The following GIGYF2 variants were observed in gnomAD, a reference collection of about 807,000 sequenced individuals.
GIGYF2 encodes GRB10 interacting GYF protein 2.
A neutral mutation model predicts 208.1 loss-of-function variants in GIGYF2; 25 were observed. The observed-to-expected ratio is 0.12, with a 90% CI of 0.09 to 0.17. The LOEUF (loss-of-function observed/expected upper bound fraction) is 0.17. Among genes scored for constraint, GIGYF2 ranks in the 10% least tolerant of loss-of-function variants. The probability of loss-of-function intolerance (pLI) is 1.00; values close to 1 mark genes in which losing one functional copy is unlikely to be tolerated. For synonymous variants in GIGYF2, 534 were observed against 543.8 expected, an observed-to-expected ratio of 0.98 and a Z score of 0.25; for missense variants, 1,302 against 1,579.4, an observed-to-expected ratio of 0.82 and a Z score of 2.98.
chr2:232,851,405 AAACT>A (rs1313915912), intron 28 of GIGYF2, among the ~76,000 whole-genome samples: 7 of 151,812 alleles, frequency 4.6e-5, no homozygotes, highest in Non-Finnish European at 8.8e-5. Flanking sequence ...AACAGTGATG[AAACT>A]AACATTTTTT....
intron 8 of GIGYF2, chr2:232,776,533 A>G (rs781547010): frequency 2.1e-5 from 20 of 974,210 alleles, no homozygotes; most frequent in East Asian, 2.5e-5. Flanking sequence ...ATTTTAATCT[A>G]CAAGTCTAGT....
At chr2:232,831,932 A>T (rs186131245) in intron 21 of GIGYF2, among the ~76,000 whole-genome samples, 409 of 152,326 alleles carry the variant, frequency 2.7e-3, no homozygotes, top group African/African-American at 9.5e-3. Flanking sequence ...TTAACACTGG[A>T]AGCTTAAAAG....
rs1699101715 is a variant in GIGYF2, at chr2:232,768,955, AT to A, written c.532+7522del. ...GAGTCAGGAATTGAACTCATTGTTAATTTGGTCAGTCTTATTTGCCTGAAGC... is the reference window on the plus strand; with the variant it reads ...GAGTCAGGAATTGAACTCATTGTTAATTGGTCAGTCTTATTTGCCTGAAGC... On this transcript the variant is annotated intron_variant, in intron 8 of 28. Coordinates refer to ENST00000373563, the MANE Select transcript of GIGYF2 (RefSeq NM_001103146.3). The A allele has an allele frequency of 1.6e-5, 11 of 694,038 alleles. No individual in the cohort carries two copies. The South Asian group carries it at 2.4e-4, about 15-fold the overall frequency. The allele number at this position is 694,038 out of a possible 1,614,324, so 43.0% of individuals were successfully genotyped here.
chr2:232,832,122 T>C (rs928584355), intron 21 of GIGYF2, among the ~76,000 whole-genome samples: 3 of 152,168 alleles, frequency 2.0e-5, no homozygotes, highest in Non-Finnish European at 2.9e-5. Context: ...GAAGTATACC[T>C]CCTAAAGGCT....
intron 23 of GIGYF2, among the ~76,000 whole-genome samples, chr2:232,842,552 TG>T (rs1489237301): frequency 3.3e-5 from 5 of 152,248 alleles, no homozygotes; most frequent in Non-Finnish European, 5.9e-5. Context: ...GAATTATTTT[TG>T]TTTTGGTCTT....
intron 9 of GIGYF2, among the ~76,000 whole-genome samples, chr2:232,790,042 T>C (rs778866287): frequency 1.3e-5 from 2 of 152,086 alleles, no homozygotes; most frequent in African/African-American, 2.4e-5. Context: ...TACTTTGCCA[T>C]GTGCGAGTTA....
intron 3 of GIGYF2, among the ~76,000 whole-genome samples, chr2:232,744,001 A>G (rs548679279): frequency 1.3e-5 from 2 of 152,032 alleles, no homozygotes; most frequent in Non-Finnish European, 2.9e-5. Context: ...GTGCACCACC[A>G]TGCTCTGCTA....
chr2:232,817,290 T>C (rs375793879), intron 20 of GIGYF2, among the ~76,000 whole-genome samples: 5 of 152,224 alleles, frequency 3.3e-5, no homozygotes, highest in East Asian at 3.8e-4. Flanking sequence ...ATTTCAGAAG[T>C]TCTGTCCTTG....
At chr2:232,780,938 A>G (rs926579269) in intron 8 of GIGYF2, among the ~76,000 whole-genome samples, 1 of 151,920 alleles carries the variant, frequency 6.6e-6, no homozygotes, top group African/African-American at 2.4e-5. Flanking sequence ...TTTAATATTT[A>G]TTATTTATTT....
At chr2:232,843,985 A>G (rs761230862) in intron 23 of GIGYF2, 61 bp from the exon 24 acceptor site, 1 of 1,475,266 alleles carries the variant, frequency 6.8e-7, no homozygotes, top group Non-Finnish European at 9.5e-7. Flanking sequence ...AGTATACTGG[A>G]TATTTATAAC....
At chr2:232,762,997 C>T (rs981692599) in intron 8 of GIGYF2, among the ~76,000 whole-genome samples, 2 of 151,882 alleles carry the variant, frequency 1.3e-5, no homozygotes, top group African/African-American at 4.8e-5. Context: ...ACTCTCTAGC[C>T]CAGGTGACAG....
At chr2:232,781,079 T>G (rs1699699991) in intron 8 of GIGYF2, among the ~76,000 whole-genome samples, 1 of 152,048 alleles carries the variant, frequency 6.6e-6, no homozygotes, top group Non-Finnish European at 1.5e-5. Flanking sequence ...TGCCTCAGCC[T>G]CCTGAGTAGC....
At chr2:232,750,731 C>CTG (rs61571808) in intron 5 of GIGYF2, among the ~76,000 whole-genome samples, 51,709 of 147,090 alleles carry the variant, frequency 0.35, 9,015 homozygotes, top group South Asian at 0.62. Context: ...TATATGAGCT[C>CTG]TGTGTGTGTG....
At chr2:232,758,768 G>T (rs1482983209) in intron 6 of GIGYF2, among the ~76,000 whole-genome samples, 1 of 152,162 alleles carries the variant, frequency 6.6e-6, no homozygotes. Flanking sequence ...TCTTCAAGGT[G>T]ATACAAGTGT....
chr2:232,781,140 G>C (rs957087249), intron 8 of GIGYF2, among the ~76,000 whole-genome samples: 1 of 151,954 alleles, frequency 6.6e-6, no homozygotes, highest in Non-Finnish European at 1.5e-5. Flanking sequence ...AGTACTTTTA[G>C]TAGAAACGGG....
chr2:232,783,626 G>A (rs754547069), intron 8 of GIGYF2, among the ~76,000 whole-genome samples: 2 of 151,324 alleles, frequency 1.3e-5, no homozygotes, highest in Non-Finnish European at 2.9e-5. Context: ...GTTACTAAGT[G>A]ATTATTTACA....
At chr2:232,788,485 T>G in intron 9 of GIGYF2, 1 of 438,306 alleles carries the variant, frequency 2.3e-6, no homozygotes, top group South Asian at 1.7e-5. Context: ...AGCTTGTCCG[T>G]AGGCAGAGGG....
At chr2:232,704,877 T>TTTTG (rs1574762651) in intron 2 of GIGYF2, among the ~76,000 whole-genome samples, 2 of 148,550 alleles carry the variant, frequency 1.3e-5, no homozygotes, top group South Asian at 4.3e-4. Flanking sequence ...TTTTTTTTTT[T>TTTTG]GAGACAGAGT....
intron 22 of GIGYF2, 144 bp from the exon 23 acceptor site, chr2:232,839,705 G>A: frequency 1.2e-6 from 1 of 834,296 alleles, no homozygotes. Context: ...GTAAGTAAAA[G>A]CAATGAAGAA....
Sources: gnomAD v4.1 joint callset for allele counts (sites outside exome capture counted in the v4.1 genomes callset) on GRCh38, gnomAD v4.1.1 for gene constraint, MANE v1.5 for transcripts, NCBI Gene and HGNC (gene_info 2026-07-23, HGNC 2026-07-21) for gene names.